Variants in JARID2 observed in about 807,000 individuals in gnomAD.
JARID2 encodes protein Jumonji.
In JARID2, 21 loss-of-function variants were observed where a neutral mutation model predicts 125.6. The observed-to-expected ratio is 0.17, with a 90% confidence interval of 0.12 to 0.24. The LOEUF is 0.24. Ranked by LOEUF, JARID2 falls within the 10% of genes least tolerant of loss-of-function variation. JARID2 has a pLI of 1.00. For missense variants in JARID2, 1,303 were observed against 1,639.6 expected (o/e 0.79, Z 3.55); for synonymous variants, 736 against 661.6 (o/e 1.11, Z -1.73).
intron 1 of JARID2, among the ~76,000 whole-genome samples, chr6:15,301,485 A>G (rs776634084): frequency 3.2e-4 from 49 of 152,058 alleles, no homozygotes; most frequent in Non-Finnish European, 5.1e-4. Context: ...AGTGGCGTTT[A>G]TTTATTGACT....
chr6:15,501,522 T>TG (rs1554145844), intron 8 of JARID2, 113 bp downstream of exon 8: 10 of 1,058,788 alleles, frequency 9.4e-6, no homozygotes, highest in Non-Finnish European at 1.3e-5. Flanking sequence ...CCTGGGGTGA[T>TG]GAGGGGGCGG....
rs79577407 is a variant in JARID2 at position 15,298,121 on chromosome 6, G to A, written c.45+51537G>A. On this transcript the variant is annotated intron_variant, in intron 1 of 17. Coordinates refer to ENST00000341776, the MANE Select transcript of JARID2 (RefSeq NM_004973.4). ...TTACCCAACTTTTTCTTGATATGTA[G>A]CAATAGAAAATGGTGTAATCAGAAT... 7.0e-3 allele frequency among the ~76,000 whole-genome samples: 1,073 copies of A among 152,282 alleles called. 16 individuals carry two copies. The highest frequency in any genetic ancestry group is 0.024 in the African/African-American group (987 of 41,542).
At chr6:15,359,204 C>G (rs2127492648) in intron 1 of JARID2, among the ~76,000 whole-genome samples, 1 of 152,316 alleles carries the variant, frequency 6.6e-6, no homozygotes, top group East Asian at 1.9e-4. Flanking sequence ...CATGGTGTGA[C>G]TCGCAGGTTG....
chr6:15,306,875 A>G (rs1339381482), intron 1 of JARID2, among the ~76,000 whole-genome samples: 1 of 148,386 alleles, frequency 6.7e-6, no homozygotes, highest in African/African-American at 2.4e-5. Flanking sequence ...AAGTTAATAT[A>G]TATATTTTAT....
intron 9 of JARID2, among the ~76,000 whole-genome samples, chr6:15,506,721 A>T (rs1053774758): frequency 5.3e-5 from 8 of 152,232 alleles, no homozygotes; most frequent in African/African-American, 1.9e-4. Context: ...CGGAAGCTTT[A>T]TATAATTGGC....
At chr6:15,457,604 T>C (rs998401289) in intron 4 of JARID2, among the ~76,000 whole-genome samples, 1 of 148,602 alleles carries the variant, frequency 6.7e-6, no homozygotes, top group Non-Finnish European at 1.5e-5. Flanking sequence ...TCCAGGTCTT[T>C]TTTTTTTTTT....
chr6:15,287,314 C>G (rs1258044075), intron 1 of JARID2, among the ~76,000 whole-genome samples: 2 of 152,026 alleles, frequency 1.3e-5, no homozygotes, highest in East Asian at 3.9e-4. Context: ...CAGAGGGGAC[C>G]CATGACATTG....
At chr6:15,464,747 C>G (rs762224708) in intron 4 of JARID2, among the ~76,000 whole-genome samples, 8 of 152,212 alleles carry the variant, frequency 5.3e-5, no homozygotes, top group Non-Finnish European at 1.2e-4. Flanking sequence ...TCCTGATTCC[C>G]CATCTGATTT....
chr6:15,260,282 TG>T (rs1161294684), intron 1 of JARID2, among the ~76,000 whole-genome samples: 2 of 152,172 alleles, frequency 1.3e-5, no homozygotes, highest in Non-Finnish European at 2.9e-5. Context: ...GAGCGATTGG[TG>T]GGTGTTACTG....
At chr6:15,445,350 A>C (rs965801174) in intron 3 of JARID2, among the ~76,000 whole-genome samples, 1 of 152,240 alleles carries the variant, frequency 6.6e-6, no homozygotes, top group African/African-American at 2.4e-5. Flanking sequence ...AAATAATGTT[A>C]GTGTGTATCT....
At chr6:15,384,544 T>A (rs948663372) in intron 2 of JARID2, among the ~76,000 whole-genome samples, 1 of 152,198 alleles carries the variant, frequency 6.6e-6, no homozygotes, top group South Asian at 2.1e-4. Context: ...CATCTGTTAC[T>A]TCTTTTTTCA....
intron 3 of JARID2, among the ~76,000 whole-genome samples, chr6:15,442,630 G>T (rs1053969522): frequency 6.6e-6 from 1 of 152,184 alleles, no homozygotes; most frequent in Non-Finnish European, 1.5e-5. Context: ...TGGGGATGGC[G>T]GCGCAGACAG....
At chr6:15,453,105 G>A (rs1383676769) in intron 4 of JARID2, among the ~76,000 whole-genome samples, 1 of 152,154 alleles carries the variant, frequency 6.6e-6, no homozygotes, top group Admixed American at 6.5e-5. Context: ...CTTCAAATAA[G>A]TACATTTTCC....
intron 3 of JARID2, among the ~76,000 whole-genome samples, chr6:15,421,968 G>T (rs1417312493): frequency 2.6e-5 from 4 of 152,194 alleles, no homozygotes; most frequent in Non-Finnish European, 5.9e-5. Context: ...GCCAAGGGAT[G>T]TATTCCTTCT....
intron 1 of JARID2, among the ~76,000 whole-genome samples, chr6:15,314,667 AGGAAACTTGCCTT>A (rs972888627): frequency 2.0e-5 from 3 of 152,214 alleles, no homozygotes; most frequent in African/African-American, 7.2e-5. Context: ...GAGAGGAGGG[AGGAAACTTGCCTT>A]GGAACAGTGT....
In JARID2 at chr6:15,496,373, A is replaced by T. The variant is rs763898041; in HGVS notation, c.1148A>T (p.Asn383Ile). 3 of 1,614,036 alleles carry T rather than the reference A, an allele frequency of 1.9e-6. No homozygotes were observed. The Admixed American group carries it at 5.0e-5, about 27-fold the overall frequency. ...HTISGKTESS[N>I]AKTRKQVLSL... ...ATCTCAGGGAAAACTGAAAGTAGCA[A>T]TGCAAAAACCCGCAAACAGGTGCTA... Residue 383 changes from asparagine to isoleucine, a missense_variant, in exon 7 of 18, where the codon AAT (asparagine) becomes ATT (isoleucine). Asn to Ile is a moderately radical substitution (Grantham distance 149, BLOSUM62 -3). Transcript: ENST00000341776.
At chr6:15,471,634 C>G (rs1769082054) in intron 5 of JARID2, among the ~76,000 whole-genome samples, 1 of 152,128 alleles carries the variant, frequency 6.6e-6, no homozygotes, top group African/African-American at 2.4e-5. Flanking sequence ...CTTTGTTTTC[C>G]AGAGTGTTTG....
chr6:15,306,901 A>G (rs995536990), intron 1 of JARID2, among the ~76,000 whole-genome samples: 55 of 148,062 alleles, frequency 3.7e-4, no homozygotes, highest in African/African-American at 1.3e-3. Flanking sequence ...TTACATTATT[A>G]TATATAATCA....
Position 15,520,279 on chromosome 6 carries a change from A to G in JARID2, c.*28A>G, listed in dbSNP as rs1215162872. 1.3e-6 allele frequency: 2 copies of G among 1,525,728 alleles called. No homozygotes were observed. Among genetic ancestry groups the G allele is most frequent in the Middle Eastern group, 1.8e-4 (1 of 5,640 alleles). The allele number at this position is 1,525,728 out of a possible 1,614,324, so 94.5% of individuals were successfully genotyped here. On this transcript the variant is annotated 3_prime_UTR_variant, in exon 18 of 18. Transcript: ENST00000341776. ...ATGCCAACGCCCGTGGTCGATTTAT[A>G]TATATTTTTTTGTAATTATTATATT... is the stretch of plus-strand genomic sequence containing the variant.
Sources: gnomAD v4.1 joint callset for allele counts (sites outside exome capture counted in the v4.1 genomes callset) on GRCh38, gnomAD v4.1.1 for gene constraint, MANE v1.5 for transcripts, NCBI Gene and HGNC (gene_info 2026-07-23, HGNC 2026-07-21) for gene names.